The following CCDC12 variants were observed in gnomAD, a reference collection of about 807,000 sequenced individuals.
CCDC12 encodes the protein coiled-coil domain-containing protein 12.
In CCDC12, 28 loss-of-function variants were observed where a neutral mutation model predicts 25.7. That is an observed-to-expected ratio of 1.09 (90% CI 0.81 to 1.50). CCDC12 has a LOEUF of 1.50. Ranked by LOEUF, CCDC12 falls within the 40% of genes most tolerant of loss-of-function variation. CCDC12 has a pLI of 0.00. For missense variants in CCDC12, 198 were observed against 210.0 expected (o/e 0.94, Z 0.35); for synonymous variants, 75 against 87.7 (o/e 0.86, Z 0.81).
chr3:46,951,798 A>AAAAAAAAAATATCCCATATATATATATAT, intron 1 of CCDC12, among the ~76,000 whole-genome samples: 2 of 8,468 alleles, frequency 2.4e-4, no homozygotes, highest in African/African-American at 4.9e-4. Flanking sequence ...AAAAAAAAAA[A>AAAAAAAAAATATCCCATATATATATATAT]ATATATATAT....
chr3:46,962,548 C>T (rs2034495558), intron 1 of CCDC12, among the ~76,000 whole-genome samples: 1 of 151,336 alleles, frequency 6.6e-6, no homozygotes, highest in African/African-American at 2.4e-5. Context: ...TAAGGAACTT[C>T]TAGAAATCAA....
chr3:46,929,085 G>A (rs558804898), intron 2 of CCDC12, among the ~76,000 whole-genome samples: 81 of 152,318 alleles, frequency 5.3e-4, no homozygotes, highest in South Asian at 4.1e-4. Context: ...CAACAATAGT[G>A]TAAAAGGCAG....
intron 1 of CCDC12, among the ~76,000 whole-genome samples, chr3:46,971,000 C>T (rs2034787696): frequency 6.6e-6 from 1 of 152,196 alleles, no homozygotes; most frequent in African/African-American, 2.4e-5. Context: ...CCAGAGTACC[C>T]CAGTCCAGCA....
chr3:46,961,344 A>G (rs1223986030), intron 1 of CCDC12, among the ~76,000 whole-genome samples: 1 of 152,244 alleles, frequency 6.6e-6, no homozygotes, highest in Non-Finnish European at 1.5e-5. Flanking sequence ...TGGAAGAGCC[A>G]AAAACCATTT....
chr3:46,979,062 C>T (rs2035119775), upstream of CCDC12, among the ~76,000 whole-genome samples: 1 of 152,142 alleles, frequency 6.6e-6, no homozygotes, highest in South Asian at 2.1e-4. Context: ...AAGTTCTGGG[C>T]CCTGGAGTTG....
At chr3:46,940,865 A>G in intron 2 of CCDC12, 133 bp downstream of exon 2, 1 of 827,606 alleles carries the variant, frequency 1.2e-6, no homozygotes, top group Non-Finnish European at 2.1e-6. Context: ...AGGTCTGAAC[A>G]GGACAGCCAT....
At chr3:46,979,717 C>T, upstream of CCDC12, 1 of 307,786 alleles carries the variant, frequency 3.2e-6, no homozygotes, top group Non-Finnish European at 6.0e-6. Flanking sequence ...GCGGAGGCCA[C>T]AGCCGCAGAC....
intron 1 of CCDC12, among the ~76,000 whole-genome samples, chr3:46,943,358 C>T (rs933730976): frequency 3.3e-5 from 5 of 152,176 alleles, no homozygotes; most frequent in African/African-American, 1.2e-4. Flanking sequence ...CAGCGGACAC[C>T]CTGAAGGCTA....
At chr3:46,925,119 C>A (rs1476306593) in intron 3 of CCDC12, 2 of 455,024 alleles carry the variant, frequency 4.4e-6, no homozygotes, top group Non-Finnish European at 8.6e-6. Flanking sequence ...CCCTGCCCTG[C>A]TGCCCAAGGG....
At position 46,927,972 on chromosome 3, in the gene CCDC12, C is replaced by A. The variant is rs77885762; in HGVS notation, c.165-2437G>T. 3.3e-4 allele frequency among the ~76,000 whole-genome samples: 50 copies of A among 152,264 alleles called. 1 individual carries two copies. The East Asian group carries it at 9.3e-3, about 28-fold the overall frequency. On this transcript the variant is annotated intron_variant, in intron 2 of 6. Coordinates refer to ENST00000683445, the MANE Select transcript of CCDC12 (RefSeq NM_001277074.2). ...AGCATGGGGGGGTTCAGCTTGGGGACCTGGCCTTTCCAACACAGGCCCAAG... is the reference window on the plus strand; with the variant it reads ...AGCATGGGGGGGTTCAGCTTGGGGAACTGGCCTTTCCAACACAGGCCCAAG...
At chr3:46,979,775 C>CCAGAACTTGCTTCACACA, upstream of CCDC12, 1 of 363,918 alleles carries the variant, frequency 2.7e-6, no homozygotes, top group Admixed American at 4.8e-5. Flanking sequence ...CGCCCTCCGC[C>CCAGAACTTGCTTCACACA]CATGGGCCTG....
intron 2 of CCDC12, among the ~76,000 whole-genome samples, chr3:46,931,473 C>T (rs1473945882): frequency 6.6e-6 from 1 of 152,226 alleles, no homozygotes; most frequent in Non-Finnish European, 1.5e-5. Flanking sequence ...TCAAAGCCTA[C>T]ACTGCTCATG....
intron 1 of CCDC12, among the ~76,000 whole-genome samples, chr3:46,962,750 GA>G (rs1162729039): frequency 6.6e-6 from 1 of 152,120 alleles, no homozygotes; most frequent in African/African-American, 2.4e-5. Context: ...TATTAGAGAG[GA>G]ACCGCCATAC....
intron 2 of CCDC12, among the ~76,000 whole-genome samples, chr3:46,928,111 T>C (rs1373583334): frequency 1.3e-5 from 2 of 152,186 alleles, no homozygotes; most frequent in Admixed American, 1.3e-4. Context: ...TAGGTGGGTA[T>C]GGTGCCACAT....
intron 1 of CCDC12, among the ~76,000 whole-genome samples, chr3:46,970,479 CTA>C (rs2034772727): frequency 2.0e-5 from 3 of 152,298 alleles, no homozygotes; most frequent in Admixed American, 6.5e-5. Flanking sequence ...GGCTACAGTA[CTA>C]GACAGTGCAG....
chr3:46,922,813 G>C (rs1249317036), intron 5 of CCDC12: 4 of 193,288 alleles, frequency 2.1e-5, no homozygotes, highest in Non-Finnish European at 4.3e-5. Context: ...CAAGAATCAG[G>C]CGAGAGGGAT....
chr3:46,943,017 G>C (rs143610598), intron 1 of CCDC12, among the ~76,000 whole-genome samples: 189 of 152,280 alleles, frequency 1.2e-3, no homozygotes, highest in African/African-American at 4.0e-3. Flanking sequence ...GGCAATGGCC[G>C]AACACAGAGG....
At chr3:46,941,151 T>C in intron 1 of CCDC12, 86 bp from the exon 2 acceptor site, 6 of 1,317,476 alleles carry the variant, frequency 4.6e-6, no homozygotes, top group South Asian at 3.5e-5. Context: ...GAACAGGACA[T>C]CTCAGAAGGG....
chr3:46,976,480 T>A, intron 1 of CCDC12, 157 bp downstream of exon 1: 3 of 1,434,298 alleles, frequency 2.1e-6, no homozygotes, highest in Non-Finnish European at 2.7e-6. Context: ...GCCCCAGACA[T>A]CGTGGGAGGG....
Sources: allele counts gnomAD v4.1 joint callset (sites outside exome capture counted in the v4.1 genomes callset), GRCh38; gene constraint gnomAD v4.1.1; transcripts MANE v1.5; gene names NCBI Gene and HGNC (gene_info 2026-07-23, HGNC 2026-07-21).